Variants in SLCO1A2 observed in about 807,000 individuals in gnomAD.
SLCO1A2 encodes solute carrier organic anion transporter family member 1A2, also known as OATP-1.
A neutral mutation model predicts 69.0 loss-of-function variants in SLCO1A2; 67 were observed. The ratio of observed to expected loss-of-function variants is 0.97; its 90% confidence interval spans 0.80 to 1.19. SLCO1A2 has a LOEUF of 1.19. Ranked by LOEUF, SLCO1A2 falls within the 50% of genes most tolerant of loss-of-function variation. The pLI is 0.00. For synonymous variants in SLCO1A2, 260 were observed against 265.9 expected (o/e 0.98, Z 0.22); for missense variants, 787 against 793.7 (o/e 0.99, Z 0.10).
In SLCO1A2 at chr12:21,269,685, A is replaced by G; in HGVS notation, c.1876T>C (p.Cys626Arg). The G allele has an allele frequency of 6.2e-7, 1 of 1,612,772 alleles. No individual in the cohort carries two copies. Among genetic ancestry groups the G allele is most frequent in the Non-Finnish European group, 8.5e-7 (1 of 1,179,114 alleles). The change falls in exon 15 of 15, where the codon TGT (cysteine) becomes CGT (arginine). Residue 626 changes from cysteine (C) to arginine (R), a missense_variant. By Grantham distance (180) the Cys-to-Arg change is radical (BLOSUM62 -3). Transcript: ENST00000683939. Reference protein sequence around the residue: ...ALIILILLRKCHLPGENASSG... With the variant: ...ALIILILLRKRHLPGENASSG... ...GAGGCATTTTCACCAGGTAGATGAC[A>G]CTTCCTCAAAAGAATTAAGATGATT...
chr12:21,373,259 A>C, intron 2 of SLCO1A2: 1 of 910,716 alleles, frequency 1.1e-6, no homozygotes, highest in Non-Finnish European at 1.8e-6. Flanking sequence ...TCTTTTAAAA[A>C]CTAAGCTCTA....
At chr12:21,282,482 C>T (rs550565568) in intron 12 of SLCO1A2, among the ~76,000 whole-genome samples, 9 of 152,032 alleles carry the variant, frequency 5.9e-5, no homozygotes, top group Non-Finnish European at 1.3e-4. Flanking sequence ...TAGTAAGTAT[C>T]ATACTGAGTG....
chr12:21,319,302 A>G (rs1056619725), intron 2 of SLCO1A2: 7 of 1,328,788 alleles, frequency 5.3e-6, no homozygotes, highest in Middle Eastern at 2.1e-4. Context: ...ATGCAGAATT[A>G]TACAAAGACA....
intron 2 of SLCO1A2, among the ~76,000 whole-genome samples, chr12:21,356,643 A>G (rs1237543474): frequency 6.6e-6 from 1 of 152,176 alleles, no homozygotes; most frequent in East Asian, 1.9e-4. Context: ...CACAGTAAAG[A>G]TATGAGTGTT....
chr12:21,339,505 A>G (rs1434998729), upstream of SLCO1A2, among the ~76,000 whole-genome samples: 3 of 152,144 alleles, frequency 2.0e-5, no homozygotes, highest in African/African-American at 7.2e-5. Context: ...TTTCTACAAA[A>G]TGAAGACAGT....
intron 2 of SLCO1A2, among the ~76,000 whole-genome samples, chr12:21,371,729 G>A (rs1231354461): frequency 2.0e-5 from 3 of 152,156 alleles, no homozygotes; most frequent in African/African-American, 7.2e-5. Flanking sequence ...GAGGATGGGT[G>A]CGGTGGCTGA....
intron 8 of SLCO1A2, among the ~76,000 whole-genome samples, chr12:21,299,770 G>GTATA (rs749456623): frequency 0.023 from 2,993 of 129,654 alleles, 55 homozygotes; most frequent in Non-Finnish European, 0.031. Context: ...ATATACGTGT[G>GTATA]TATATATATA....
chr12:21,275,556 G>C lies in SLCO1A2; in HGVS notation c.1611-132C>G, dbSNP rs112970785. ...AATTTTACTTTCATGCTCACTTATT[G>C]GTTATTCAGGGCTTTATTATCCAGC... On this transcript the variant is annotated intron_variant, in intron 12 of 14. Coordinates refer to ENST00000683939, the MANE Select transcript of SLCO1A2 (RefSeq NM_001386879.1). 626 of 908,706 alleles carry C rather than the reference G, an allele frequency of 6.9e-4. No individual in the cohort carries two copies. The African/African-American group carries it at 9.4e-3, about 14-fold the overall frequency. The allele number at this position is 908,706 out of a possible 1,614,324, so 56.3% of individuals were successfully genotyped here. A position where few individuals can be genotyped will look rare whatever the true frequency, so the allele number is the denominator to read the frequency against.
At chr12:21,321,524 G>A (rs1001372149) in intron 2 of SLCO1A2, among the ~76,000 whole-genome samples, 2 of 152,102 alleles carry the variant, frequency 1.3e-5, no homozygotes, top group Admixed American at 6.6e-5. Context: ...AAACTTTTCA[G>A]TAATTCCCAT....
chr12:21,336,952 C>A (rs965682474), upstream of SLCO1A2, among the ~76,000 whole-genome samples: 3 of 152,032 alleles, frequency 2.0e-5, no homozygotes, highest in Admixed American at 6.6e-5. Context: ...CTAACTCTTT[C>A]TCAGCATTCA....
intron 1 of SLCO1A2, among the ~76,000 whole-genome samples, chr12:21,389,288 CTTATG>C (rs1941041550): frequency 6.6e-6 from 1 of 152,108 alleles, no homozygotes; most frequent in East Asian, 1.9e-4. Context: ...CTCTGCAAAG[CTTATG>C]TTATTACTGC....
chr12:21,271,359 C>T (rs1322063246), intron 14 of SLCO1A2, among the ~76,000 whole-genome samples: 1 of 151,606 alleles, frequency 6.6e-6, no homozygotes, highest in Non-Finnish European at 1.5e-5. Flanking sequence ...TGTTTAATTT[C>T]TGAAAAACCA....
chr12:21,295,471 AG>A, intron 10 of SLCO1A2, 125 bp downstream of exon 10: 2 of 656,024 alleles, frequency 3.0e-6, no homozygotes, highest in Non-Finnish European at 2.6e-6. Flanking sequence ...GGAAAGATAC[AG>A]GAAAAGCATG....
At position 21,268,433 on chromosome 12, in the gene SLCO1A2, A is replaced by C. The variant is rs1942293849; in HGVS notation, c.*1115T>G. ...ATATATTGACTGTCATTTCAACAGG[A>C]AGGAGAGTAAGGAGTAGACAAACAG... On this transcript the variant is annotated 3_prime_UTR_variant, in exon 15 of 15. Coordinates refer to ENST00000683939, the MANE Select transcript of SLCO1A2 (RefSeq NM_001386879.1). The C allele has an allele frequency of 6.6e-6, 1 of 152,088 alleles. No homozygotes were observed. The highest frequency in any genetic ancestry group is 1.5e-5 in the Non-Finnish European group (1 of 67,986). 9.4% of individuals were successfully genotyped at this position (152,088 alleles called of 1,614,324 possible). A position where few individuals can be genotyped will look rare whatever the true frequency, so the allele number is the denominator to read the frequency against.
chr12:21,317,732 A>G lies in SLCO1A2; in HGVS notation c.202+1050T>C, dbSNP rs138457015. ...CTTGTTTCAGTTTTGCTTCTCCTCA[A>G]TCCTGATTTTTTAAATACATTTATA... On this transcript the variant is annotated intron_variant, in intron 3 of 14. Coordinates refer to ENST00000683939, the MANE Select transcript of SLCO1A2 (RefSeq NM_001386879.1). Among the ~76,000 whole-genome samples, 199 of 152,268 alleles carry G rather than the reference A, an allele frequency of 1.3e-3. 1 individual carries two copies. Among genetic ancestry groups the G allele is most frequent in the African/African-American group, 4.5e-3 (188 of 41,558 alleles).
intron 2 of SLCO1A2, among the ~76,000 whole-genome samples, chr12:21,326,177 C>G (rs1952210340): frequency 2.0e-5 from 3 of 152,184 alleles, no homozygotes; most frequent in African/African-American, 7.2e-5. Context: ...GCCTTTGCTC[C>G]TCCTGCATCT....
intron 1 of SLCO1A2, among the ~76,000 whole-genome samples, chr12:21,388,010 T>G (rs1017963950): frequency 2.0e-5 from 3 of 152,182 alleles, no homozygotes; most frequent in African/African-American, 7.2e-5. Flanking sequence ...GACTGCCCAT[T>G]GGATTTTAGA....
chr12:21,304,222 G>A (rs1949068457), intron 6 of SLCO1A2, among the ~76,000 whole-genome samples: 1 of 152,132 alleles, frequency 6.6e-6, no homozygotes, highest in African/African-American at 2.4e-5. Context: ...ATTTCCAATA[G>A]TAGAAAGTAG....
chr12:21,396,455 A>G (rs1243395292), upstream of SLCO1A2, among the ~76,000 whole-genome samples: 3 of 149,412 alleles, frequency 2.0e-5, no homozygotes, highest in African/African-American at 7.4e-5. Flanking sequence ...TCTGCAGGAT[A>G]TTATCCAGGA....
Sources: gnomAD v4.1 joint callset for allele counts (sites outside exome capture counted in the v4.1 genomes callset) on GRCh38, gnomAD v4.1.1 for gene constraint, MANE v1.5 for transcripts, NCBI Gene and HGNC (gene_info 2026-07-23, HGNC 2026-07-21) for gene names.